The following TRERF1 variants were observed in gnomAD, a reference collection of about 807,000 sequenced individuals.
The protein encoded by TRERF1 is transcriptional regulating factor 1, also known as transcriptional-regulating factor 1.
Under a neutral mutation model 122.9 loss-of-function variants are expected in TRERF1, and 27 were observed. The observed-to-expected ratio is 0.22, with a 90% CI of 0.16 to 0.30. TRERF1 has a LOEUF of 0.30. TRERF1 is among the 10% of genes least tolerant of loss of function. The pLI, the probability that TRERF1 is intolerant of heterozygous loss-of-function variation, is 1.00. For missense variants in TRERF1, 1,248 were observed against 1,560.3 expected (o/e 0.80, Z 3.37); for synonymous variants, 636 against 641.7 (o/e 0.99, Z 0.13).
intron 4 of TRERF1, among the ~76,000 whole-genome samples, chr6:42,279,370 T>G (rs1781872444): frequency 6.6e-6 from 1 of 152,108 alleles, no homozygotes; most frequent in Non-Finnish European, 1.5e-5. Flanking sequence ...TCCCTGGCCC[T>G]GCAGCTGTCC....
intron 2 of TRERF1, among the ~76,000 whole-genome samples, chr6:42,436,354 G>A (rs1036236643): frequency 1.4e-5 from 2 of 146,128 alleles, no homozygotes; most frequent in African/African-American, 4.9e-5. Flanking sequence ...GGGTGACAGA[G>A]TGAGACTCCG....
intron 2 of TRERF1, among the ~76,000 whole-genome samples, chr6:42,395,999 T>C (rs765269586): frequency 3.7e-4 from 56 of 152,230 alleles, no homozygotes; most frequent in Non-Finnish European, 6.5e-4. Flanking sequence ...ATCTGATCAA[T>C]GGTCATGCAC....
Position 42,259,709 on chromosome 6 carries a change from C to G in TRERF1, c.1899G>C (p.Lys633Asn), listed in dbSNP as rs1488508644. The change falls in exon 9 of 18, where the codon AAG (lysine) becomes AAC (asparagine). Residue 633 changes from lysine to asparagine, a missense_variant. By Grantham distance (94) the Lys-to-Asn change is moderately conservative. Transcript: ENST00000372922. This position sits in a 1 kb window ranked among gnomAD's most constrained non-coding sequence, Gnocchi z 4.9. ...CGGCTTTGGGCACACTCGGCTGATG[C>G]TTCCTGGGGATTTCCTAAAACCGGA... 1 of 1,602,914 alleles carries G rather than the reference C, an allele frequency of 6.2e-7. No individual in the cohort carries two copies. Among genetic ancestry groups the G allele is most frequent in the African/African-American group, 1.3e-5 (1 of 74,880 alleles).
At chr6:42,305,967 A>C (rs991561103) in intron 3 of TRERF1, among the ~76,000 whole-genome samples, 10 of 140,078 alleles carry the variant, frequency 7.1e-5, no homozygotes, top group African/African-American at 2.4e-4. Flanking sequence ...CGTGAGGAAA[A>C]CTCCCATTCT....
At chr6:42,370,109 G>C (rs1581834052) in intron 2 of TRERF1, among the ~76,000 whole-genome samples, 3 of 152,186 alleles carry the variant, frequency 2.0e-5, no homozygotes, top group Admixed American at 1.3e-4. Context: ...GCAGAATTAG[G>C]GGGTAAAGGA....
intron 15 of TRERF1, among the ~76,000 whole-genome samples, chr6:42,238,321 C>T (rs1161096252): frequency 6.6e-6 from 1 of 152,132 alleles, no homozygotes; most frequent in Admixed American, 6.5e-5. Context: ...AAGAAATGTT[C>T]CATATAGCCA....
intron 3 of TRERF1, among the ~76,000 whole-genome samples, chr6:42,351,786 A>G (rs189131133): frequency 6.6e-6 from 1 of 152,174 alleles, no homozygotes; most frequent in Admixed American, 6.5e-5. Context: ...GTGGAAAGTG[A>G]TGTGCCTTCT....
At chr6:42,394,568 A>C (rs1160459613) in intron 2 of TRERF1, among the ~76,000 whole-genome samples, 1 of 152,234 alleles carries the variant, frequency 6.6e-6, no homozygotes, top group East Asian at 1.9e-4. Context: ...AGTGTCCAGG[A>C]TTGGGAATAA....
At chr6:42,371,266 T>G (rs1773713318) in intron 2 of TRERF1, among the ~76,000 whole-genome samples, 1 of 152,086 alleles carries the variant, frequency 6.6e-6, no homozygotes. Flanking sequence ...GAGAGAAAAC[T>G]CTAAGGAAAC....
intron 3 of TRERF1, among the ~76,000 whole-genome samples, chr6:42,361,059 C>T (rs1008618706): frequency 6.6e-6 from 1 of 152,148 alleles, no homozygotes; most frequent in Non-Finnish European, 1.5e-5. Context: ...GAATCCTAAT[C>T]CCCAAAGTGA....
chr6:42,277,678 C>T (rs1481666379), intron 4 of TRERF1, among the ~76,000 whole-genome samples: 1 of 152,040 alleles, frequency 6.6e-6, no homozygotes, highest in African/African-American at 2.4e-5. Context: ...TAGTGAGACC[C>T]CATTTCTACA....
intron 3 of TRERF1, among the ~76,000 whole-genome samples, chr6:42,325,778 G>A (rs896931696): frequency 3.9e-5 from 6 of 152,158 alleles, no homozygotes; most frequent in South Asian, 4.1e-4. Flanking sequence ...AGAAGGCTGC[G>A]GTGGGAGGAT....
chr6:42,406,428 C>G (rs1780186152), intron 2 of TRERF1, among the ~76,000 whole-genome samples: 1 of 152,176 alleles, frequency 6.6e-6, no homozygotes, highest in South Asian at 2.1e-4. Flanking sequence ...GGAAGGACCA[C>G]AGGCAGAGCA....
At chr6:42,445,896 C>T (rs1787422910) in intron 2 of TRERF1, among the ~76,000 whole-genome samples, 1 of 151,910 alleles carries the variant, frequency 6.6e-6, no homozygotes, top group Non-Finnish European at 1.5e-5. Flanking sequence ...CCACTCCAAA[C>T]TTTCTTTTGT....
intron 2 of TRERF1, among the ~76,000 whole-genome samples, chr6:42,406,582 C>T (rs4714606): frequency 0.011 from 1,744 of 152,268 alleles, 31 homozygotes; most frequent in East Asian, 0.086. Context: ...ATATCCTAGA[C>T]GACTGCTCAA....
At chr6:42,447,794 T>C (rs1787796487) in intron 2 of TRERF1, among the ~76,000 whole-genome samples, 1 of 152,146 alleles carries the variant, frequency 6.6e-6, no homozygotes, top group Non-Finnish European at 1.5e-5. Context: ...AACCTCTGCC[T>C]CCCAGGTTCA....
At chr6:42,277,543 G>C (rs774791385) in intron 4 of TRERF1, among the ~76,000 whole-genome samples, 4 of 152,158 alleles carry the variant, frequency 2.6e-5, no homozygotes, top group Non-Finnish European at 5.9e-5. Flanking sequence ...CTGTGAATAT[G>C]GGGTAGTTAG....
intron 14 of TRERF1, among the ~76,000 whole-genome samples, chr6:42,244,107 C>G (rs1168407225): frequency 2.6e-5 from 4 of 152,118 alleles, no homozygotes; most frequent in Non-Finnish European, 5.9e-5. Context: ...TCTCGAACTC[C>G]TGACCTCAAG....
Position 42,445,353 on chromosome 6 carries a change from G to GACACAC in TRERF1, c.-454+5818_-454+5823dup, listed in dbSNP as rs57862861. Among the ~76,000 whole-genome samples, 588 of 86,718 alleles carry GACACAC rather than the reference G, an allele frequency of 6.8e-3. 2 individuals carry two copies. The highest frequency in any genetic ancestry group is 0.016 in the African/African-American group (484 of 30,430). 56.9% of individuals were successfully genotyped at this position (86,718 alleles called of 152,430 possible). ...AGCCTCAGGAAACACTACACACACA[G>GACACAC]ACACACACACACACACACACACACA... On this transcript the variant is annotated intron_variant, in intron 2 of 17. Coordinates refer to ENST00000372922, the Ensembl canonical transcript of TRERF1.
Sources: gnomAD v4.1 joint callset for allele counts (sites outside exome capture counted in the v4.1 genomes callset) on GRCh38, gnomAD v4.1.1 for gene constraint, Gnocchi (gnomAD v3.1) non-coding constraint, MANE v1.5 for transcripts, NCBI Gene and HGNC (gene_info 2026-07-23, HGNC 2026-07-21) for gene names.